Variants in OTOGL observed in about 807,000 individuals in gnomAD.
OTOGL encodes the protein otogelin-like protein.
Under a neutral mutation model 318.5 loss-of-function variants are expected in OTOGL, and 285 were observed. That is an observed-to-expected ratio of 0.89 (90% CI 0.81 to 0.99). The LOEUF (loss-of-function observed/expected upper bound fraction) is 0.99, where lower values mean the gene tolerates loss of function less well. Among genes scored for constraint, OTOGL ranks in the 50% least tolerant of loss-of-function variants. The pLI is 0.00. For missense variants in OTOGL, 2,899 were observed against 2,845.6 expected (o/e 1.02, Z -0.43); for synonymous variants, 987 against 936.5 (o/e 1.05, Z -0.99).
At chr12:80,208,219 G>A in intron 1 of OTOGL, 1 of 518,006 alleles carries the variant, frequency 1.9e-6, no homozygotes, top group Non-Finnish European at 3.9e-6. Context: ...AGGAATTATG[G>A]TTATCTAGAG....
chr12:80,188,204 T>C (rs1217394386), intron 1 of OTOGL, among the ~76,000 whole-genome samples: 1 of 152,100 alleles, frequency 6.6e-6, no homozygotes, highest in African/African-American at 2.4e-5. Flanking sequence ...TGTGTTAAAT[T>C]TTATGTTCTG....
intron 1 of OTOGL, among the ~76,000 whole-genome samples, chr12:80,158,579 A>C (rs1186709196): frequency 6.6e-6 from 1 of 152,018 alleles, no homozygotes; most frequent in Non-Finnish European, 1.5e-5. Context: ...ATATATACAT[A>C]TATATGTATA....
chr12:80,112,494 G>A (rs1453961583), intron 1 of OTOGL, among the ~76,000 whole-genome samples: 3 of 152,170 alleles, frequency 2.0e-5, no homozygotes, highest in Non-Finnish European at 2.9e-5. Flanking sequence ...TGCATCTATC[G>A]AGATAATCAT....
chr12:80,266,026 C>G (rs1345706053), intron 20 of OTOGL: 1 of 154,532 alleles, frequency 6.5e-6, no homozygotes, highest in Non-Finnish European at 1.4e-5. Flanking sequence ...CCAGTTTCTT[C>G]TAGTCTGGGG....
At chr12:80,119,823 C>A (rs1041140014) in intron 1 of OTOGL, among the ~76,000 whole-genome samples, 7 of 152,086 alleles carry the variant, frequency 4.6e-5, no homozygotes, top group Admixed American at 4.6e-4. Context: ...ACATGGTAAA[C>A]CAGATTATGT....
chr12:80,252,017 TTA>T, intron 12 of OTOGL, 57 bp from the exon 13 acceptor site: 10 of 1,410,448 alleles, frequency 7.1e-6, no homozygotes, highest in Non-Finnish European at 9.3e-6. Context: ...AATTATAATT[TTA>T]AAAAAGAAAT....
At chr12:80,230,205 G>A (rs2034530) in intron 8 of OTOGL, among the ~76,000 whole-genome samples, 2,279 of 152,194 alleles carry the variant, frequency 0.015, 55 homozygotes, top group African/African-American at 0.051. Context: ...TTATCAACCC[G>A]TGTTGCTTTT....
chr12:80,126,748 GGATA>G (rs1478051209), intron 1 of OTOGL, among the ~76,000 whole-genome samples: 2 of 152,132 alleles, frequency 1.3e-5, no homozygotes, highest in East Asian at 3.8e-4. Context: ...TATATATTTA[GGATA>G]GTTAGCTCTT....
At chr12:80,203,094 A>G (rs1876571310) in intron 1 of OTOGL, among the ~76,000 whole-genome samples, 1 of 152,184 alleles carries the variant, frequency 6.6e-6, no homozygotes, top group African/African-American at 2.4e-5. Flanking sequence ...CAGAGTGTGA[A>G]TGCATTCATT....
chr12:80,229,963 G>T (rs1879218898), intron 8 of OTOGL, among the ~76,000 whole-genome samples: 3 of 151,424 alleles, frequency 2.0e-5, no homozygotes, highest in Non-Finnish European at 4.4e-5. Flanking sequence ...GAATTTTGGG[G>T]CAGGGGATGT....
chr12:80,238,795 A>G, intron 9 of OTOGL, 56 bp from the exon 10 acceptor site: 1 of 1,369,098 alleles, frequency 7.3e-7, no homozygotes, highest in South Asian at 1.8e-5. Context: ...TGTTTGTGGA[A>G]AATGATATGA....
chr12:80,124,422 G>A (rs1345240357), intron 1 of OTOGL, among the ~76,000 whole-genome samples: 2 of 152,178 alleles, frequency 1.3e-5, no homozygotes, highest in Admixed American at 1.3e-4. Flanking sequence ...CCAGTACCAT[G>A]CTGTTTTGGT....
chr12:80,149,981 A>G (rs1216996345), intron 1 of OTOGL, among the ~76,000 whole-genome samples: 1 of 152,072 alleles, frequency 6.6e-6, no homozygotes, highest in African/African-American at 2.4e-5. Flanking sequence ...TGAACCCGGT[A>G]CCTCAGATGG....
At position 80,368,272 on chromosome 12, in the gene OTOGL, A is replaced by T. The variant is rs1209843746; in HGVS notation, c.6578A>T (p.Lys2193Ile). 4 of 1,600,864 alleles carry T rather than the reference A, an allele frequency of 2.5e-6. No homozygotes were observed. In the Admixed American group the frequency reaches 6.8e-5, roughly 27 times the overall value. ...CCGTCKNVSC[K>I]FHMENGTSVV... Reference sequence around the variant, plus strand: ...GGTACCTGCAAAAATGTATCCTGCAAATTTCACATGGAAAATGGAACATCA... The same window carrying T: ...GGTACCTGCAAAAATGTATCCTGCATATTTCACATGGAAAATGGAACATCA... Residue 2193 changes from lysine (K) to isoleucine (I), a missense_variant, in exon 55 of 59, where the codon AAA becomes ATA. Lys to Ile is a moderately radical substitution (Grantham distance 102, BLOSUM62 -3). Coordinates refer to ENST00000547103, the MANE Select transcript of OTOGL (RefSeq NM_001378609.3).
chr12:80,228,315 G>T (rs904182548), intron 7 of OTOGL, among the ~76,000 whole-genome samples: 2 of 151,834 alleles, frequency 1.3e-5, no homozygotes, highest in African/African-American at 4.8e-5. Flanking sequence ...GGTGGTACAC[G>T]CCTATAGCCC....
intron 55 of OTOGL, among the ~76,000 whole-genome samples, chr12:80,370,258 A>T (rs886089992): frequency 2.0e-5 from 3 of 151,984 alleles, no homozygotes; most frequent in Admixed American, 6.6e-5. Context: ...GTAGAAACAG[A>T]TACCTATTTG....
chr12:80,366,530 T>TATATATATATAA lies in OTOGL; in HGVS notation c.6268-43_6268-42insTATATATATAAA, dbSNP rs201357228. 1.1e-3 allele frequency: 385 copies of TATATATATATAA among 355,318 alleles called. 6 individuals are homozygous for TATATATATATAA. The highest frequency in any genetic ancestry group is 7.4e-3 in the African/African-American group (337 of 45,768). 22.0% of individuals were successfully genotyped at this position (355,318 alleles called of 1,614,324 possible). On this transcript the variant is annotated intron_variant, in intron 52 of 58. Transcript: ENST00000547103. Reference sequence around the variant, plus strand: ...TATAGGTTATATATATATATATATATAAAATAAGCTAAATGATAAGTAATA... The same window carrying TATATATATATAA: ...TATAGGTTATATATATATATATATATATATATATATAAAAAATAAGCTAAATGATAAGTAATA...
chr12:80,318,489 G>T, intron 32 of OTOGL, 57 bp from the exon 33 acceptor site: 1 of 1,133,598 alleles, frequency 8.8e-7, no homozygotes, highest in South Asian at 4.4e-5. Context: ...TGAAATGACA[G>T]ATTGAAATTT....
chr12:80,208,011 CAATT>C (rs148512663), intron 1 of OTOGL, among the ~76,000 whole-genome samples: 1,990 of 152,176 alleles, frequency 0.013, 42 homozygotes, highest in African/African-American at 0.044. Flanking sequence ...TACTGTACTT[CAATT>C]AATTAAACCT....
Sources: gnomAD v4.1 joint callset for allele counts (sites outside exome capture counted in the v4.1 genomes callset) on GRCh38, gnomAD v4.1.1 for gene constraint, MANE v1.5 for transcripts, NCBI Gene and HGNC (gene_info 2026-07-23, HGNC 2026-07-21) for gene names.